MINDY4: variants seen among roughly 807,000 people sequenced by gnomAD.
MINDY4 encodes MINDY lysine 48 deubiquitinase 4.
A neutral mutation model predicts 87.0 loss-of-function variants in MINDY4; 68 were observed. The ratio of observed to expected loss-of-function variants is 0.78; its 90% confidence interval spans 0.64 to 0.96. The LOEUF (loss-of-function observed/expected upper bound fraction) is 0.96, where lower values mean the gene tolerates loss of function less well. Ranked by LOEUF, MINDY4 falls within the 40% of genes least tolerant of loss-of-function variation. The probability of loss-of-function intolerance (pLI) is 0.00; values close to 1 mark genes in which losing one functional copy is unlikely to be tolerated. For missense variants in MINDY4, 919 were observed against 928.2 expected, an observed-to-expected ratio of 0.99 and a Z score of 0.13; for synonymous variants, 379 against 363.2, an observed-to-expected ratio of 1.04 and a Z score of -0.50.
At chr7:30,807,784 C>T (rs558634798) in intron 5 of MINDY4, among the ~76,000 whole-genome samples, 6 of 152,284 alleles carry the variant, frequency 3.9e-5, no homozygotes, top group East Asian at 3.9e-4. Context: ...GCATGCAGCC[C>T]GCAGTCACGT....
chr7:30,812,870 C>T (rs529696626), intron 5 of MINDY4, among the ~76,000 whole-genome samples: 18 of 152,332 alleles, frequency 1.2e-4, no homozygotes, highest in African/African-American at 4.1e-4. Flanking sequence ...TGAGGCTCAA[C>T]ATGACATTTC....
At chr7:30,867,286 G>A (rs1042208737) in intron 13 of MINDY4, among the ~76,000 whole-genome samples, 3 of 152,278 alleles carry the variant, frequency 2.0e-5, no homozygotes, top group Admixed American at 6.5e-5. Flanking sequence ...CGGAGGTCTC[G>A]GTTTAATCTG....
At chr7:30,835,234 A>G (rs1788822186) in intron 6 of MINDY4, among the ~76,000 whole-genome samples, 1 of 152,224 alleles carries the variant, frequency 6.6e-6, no homozygotes, top group Admixed American at 6.5e-5. Context: ...TCATGGCAGA[A>G]GGCAAGGAGG....
chr7:30,882,410 TC>T (rs765078206), intron 16 of MINDY4, 49 bp downstream of exon 16: 1 of 1,278,592 alleles, frequency 7.8e-7, no homozygotes, highest in Non-Finnish European at 1.0e-6. Flanking sequence ...CCAAGGAGCC[TC>T]CAGGCTGGTC....
intron 1 of MINDY4, among the ~76,000 whole-genome samples, chr7:30,776,791 G>A (rs2128164799): frequency 6.6e-6 from 1 of 152,280 alleles, no homozygotes; most frequent in East Asian, 1.9e-4. Flanking sequence ...TTTATGGTCT[G>A]CTTTCCCAAC....
At chr7:30,774,112 C>T (rs1786731046) in intron 1 of MINDY4, among the ~76,000 whole-genome samples, 1 of 152,232 alleles carries the variant, frequency 6.6e-6, no homozygotes. Context: ...TGCCTGCCCA[C>T]CTGGTTGCAA....
At chr7:30,789,416 G>A (rs1445326819) in intron 4 of MINDY4, among the ~76,000 whole-genome samples, 2 of 152,208 alleles carry the variant, frequency 1.3e-5, no homozygotes, top group Non-Finnish European at 2.9e-5. Context: ...GGGACATTGT[G>A]GCCTTTGAGT....
Position 30,771,493 on chromosome 7 carries a change from C to T in MINDY4, c.-1C>T, listed in dbSNP as rs760996645. Reference sequence around the variant, plus strand: ...TCGTGGGCAGAGCCAGAGCCAGAGCCATGGACAGCCTCTTCGTGGAGGAGG... The same window carrying T: ...TCGTGGGCAGAGCCAGAGCCAGAGCTATGGACAGCCTCTTCGTGGAGGAGG... On this transcript the variant is annotated 5_prime_UTR_variant, in exon 1 of 18. Coordinates refer to ENST00000265299, the MANE Select transcript of MINDY4 (RefSeq NM_032222.3). The T allele has an allele frequency of 4.4e-6, 7 of 1,604,562 alleles. No individual in the cohort carries two copies. In the Admixed American group the frequency reaches 6.8e-5, roughly 16 times the overall value.
At chr7:30,793,438 CAG>C (rs970983964) in intron 5 of MINDY4, among the ~76,000 whole-genome samples, 25 of 137,454 alleles carry the variant, frequency 1.8e-4, no homozygotes, top group African/African-American at 6.7e-4. Context: ...TTTTTGGAGA[CAG>C]GGTCTCATTC....
Position 30,839,194 on chromosome 7 carries a change from T to C in MINDY4, c.1240-6T>C. The C allele has an allele frequency of 6.3e-7, 1 of 1,579,860 alleles. No individual in the cohort carries two copies. The highest frequency in any genetic ancestry group is 1.2e-5 in the South Asian group (1 of 86,308). On this transcript the variant is annotated splice_polypyrimidine_tract_variant and splice_region_variant and intron_variant, in intron 7 of 17. Transcript: ENST00000265299. ...CAACCAGTAAAACTCTCTCTTCTTTTTATAGGAAATAAAGACCCTTCTGTT... is the reference window on the plus strand; with the variant it reads ...CAACCAGTAAAACTCTCTCTTCTTTCTATAGGAAATAAAGACCCTTCTGTT...
At chr7:30,868,114 C>T (rs897242319) in intron 13 of MINDY4, among the ~76,000 whole-genome samples, 1 of 152,166 alleles carries the variant, frequency 6.6e-6, no homozygotes, top group Non-Finnish European at 1.5e-5. Context: ...ACTTTTATAC[C>T]ACATGCCCAG....
At chr7:30,850,687 C>A in intron 10 of MINDY4, 132 bp downstream of exon 10, 2 of 799,484 alleles carry the variant, frequency 2.5e-6, no homozygotes, top group Non-Finnish European at 4.1e-6. Context: ...ATGAGCCCTG[C>A]AAGCCAGCCT....
At chr7:30,777,036 G>A (rs1198442654) in intron 1 of MINDY4, among the ~76,000 whole-genome samples, 1 of 145,746 alleles carries the variant, frequency 6.9e-6, no homozygotes, top group Non-Finnish European at 1.5e-5. Context: ...TAGAGATAGG[G>A]TCTCACTCTT....
At position 30,858,974 on chromosome 7, in the gene MINDY4, C is replaced by A. The variant is rs1206981122; in HGVS notation, c.1678-283C>A. The A allele has an allele frequency of 1.5e-5, 10 of 672,958 alleles. No individual in the cohort carries two copies. In the Admixed American group the frequency reaches 1.9e-4, roughly 12 times the overall value. 41.7% of individuals were successfully genotyped at this position (672,958 alleles called of 1,614,324 possible). A position where few individuals can be genotyped will look rare whatever the true frequency, so the allele number is the denominator to read the frequency against. ...ATGCTTGCACCATAATGGAGCTGGC[C>A]ATGACTGTTGCTGTCTTGTGAGTTT... On this transcript the variant is annotated intron_variant, in intron 12 of 17. Coordinates refer to ENST00000265299, the MANE Select transcript of MINDY4 (RefSeq NM_032222.3).
intron 5 of MINDY4, among the ~76,000 whole-genome samples, chr7:30,810,604 C>G (rs2128558078): frequency 6.6e-6 from 1 of 152,158 alleles, no homozygotes; most frequent in Admixed American, 6.5e-5. Flanking sequence ...ACCGGTTTTT[C>G]TTAAAGCACT....
intron 4 of MINDY4, among the ~76,000 whole-genome samples, chr7:30,788,685 A>G (rs1231823524): frequency 6.6e-6 from 1 of 152,182 alleles, no homozygotes; most frequent in Non-Finnish European, 1.5e-5. Context: ...TGCCTGCCAA[A>G]TACCCACGCT....
intron 12 of MINDY4, among the ~76,000 whole-genome samples, chr7:30,854,176 A>G (rs1477959431): frequency 6.6e-6 from 1 of 152,148 alleles, no homozygotes; most frequent in Non-Finnish European, 1.5e-5. Flanking sequence ...CTGACTTTGA[A>G]TCTAGATTCA....
chr7:30,841,033 G>T (rs370755072), intron 9 of MINDY4, among the ~76,000 whole-genome samples, 185 bp downstream of exon 9: 53 of 152,234 alleles, frequency 3.5e-4, no homozygotes, highest in African/African-American at 1.2e-3. Flanking sequence ...GGACTTGTGC[G>T]CGTTTGTTTC....
intron 15 of MINDY4, among the ~76,000 whole-genome samples, chr7:30,876,811 C>T (rs934160420): frequency 1.3e-5 from 2 of 152,156 alleles, no homozygotes; most frequent in African/African-American, 4.8e-5. Context: ...GCCTCATTCA[C>T]CACCTATCCT....
Sources: gnomAD v4.1 joint callset for allele counts (sites outside exome capture counted in the v4.1 genomes callset) on GRCh38, gnomAD v4.1.1 for gene constraint, MANE v1.5 for transcripts, NCBI Gene and HGNC (gene_info 2026-07-23, HGNC 2026-07-21) for gene names.